Variants in TBXAS1 observed in about 807,000 individuals in gnomAD.
TBXAS1 encodes thromboxane A synthase 1.
Under a neutral mutation model 60.7 loss-of-function variants are expected in TBXAS1, and 48 were observed. The ratio of observed to expected loss-of-function variants is 0.79; its 90% CI spans 0.63 to 1.01. TBXAS1 has a LOEUF of 1.01. TBXAS1 is among the 50% of genes least tolerant of loss of function. The pLI is 0.00. For synonymous variants in TBXAS1, 287 were observed against 269.7 expected (o/e 1.06, Z -0.63); for missense variants, 685 against 686.3 (o/e 1.00, Z 0.02).
rs189663354 is a variant in TBXAS1, at chr7:139,968,518, C to T, written c.1134+6285C>T. Among the ~76,000 whole-genome samples, 478 of 152,270 alleles carry T rather than the reference C, an allele frequency of 3.1e-3. 2 individuals carry two copies. The highest frequency in any genetic ancestry group is 5.2e-3 in the Admixed American group (79 of 15,290). On this transcript the variant is annotated intron_variant, in intron 9 of 12. Coordinates refer to ENST00000448866, the MANE Select transcript of TBXAS1 (RefSeq NM_001061.7). ...CCATGTTGGTCAGTCTGGTCTTGAA[C>T]TCCTGGCCTCAAGTGATCCGCCTGC...
intron 3 of TBXAS1, among the ~76,000 whole-genome samples, chr7:139,905,059 C>CTTTCTTTCTTTCTTTCTT (rs56752847): frequency 2.8e-4 from 32 of 113,908 alleles, no homozygotes; most frequent in Non-Finnish European, 3.9e-4. Context: ...TTCTTTCTTT[C>CTTTCTTTCTTTCTTTCTT]TCTCTCTCTC....
At chr7:139,949,361 C>G (rs1809016648) in intron 5 of TBXAS1, among the ~76,000 whole-genome samples, 1 of 152,198 alleles carries the variant, frequency 6.6e-6, no homozygotes, top group Admixed American at 6.5e-5. Context: ...TACCATGTTA[C>G]TATTCCTCTG....
At chr7:139,963,204 A>G in intron 9 of TBXAS1, among the ~76,000 whole-genome samples, 1 of 152,240 alleles carries the variant, frequency 6.6e-6, no homozygotes, top group East Asian at 1.9e-4. Context: ...GTTTATGGTC[A>G]ACTTCAAGTT....
At chr7:139,964,614 A>G (rs1810636253) in intron 9 of TBXAS1, among the ~76,000 whole-genome samples, 1 of 152,212 alleles carries the variant, frequency 6.6e-6, no homozygotes, top group Admixed American at 6.5e-5. Flanking sequence ...AGGGCTTTGA[A>G]GCATCTAATG....
intron 4 of TBXAS1, among the ~76,000 whole-genome samples, chr7:139,926,393 A>C (rs113120099): frequency 6.6e-6 from 1 of 152,076 alleles, no homozygotes; most frequent in African/African-American, 2.4e-5. Context: ...TGTGTCTAGG[A>C]ATTTATTTCT....
At chr7:139,845,445 ATT>A (rs890514343) in intron 1 of TBXAS1, among the ~76,000 whole-genome samples, 3 of 151,882 alleles carry the variant, frequency 2.0e-5, no homozygotes, top group Admixed American at 2.0e-4. Flanking sequence ...TTCCCCCTTC[ATT>A]TGGGTGAGAA....
Position 139,962,246 on chromosome 7 carries a change from T to C in TBXAS1, c.1134+13T>C. On this transcript the variant is annotated intron_variant, in intron 9 of 12. Transcript: ENST00000448866. ...TAAGGAGAAACACGTGAGTACAAGT[T>C]GGATCCAGTTACCCATGGGATATCC... 1.2e-6 allele frequency: 2 copies of C among 1,613,972 alleles called. No homozygotes were observed. The highest frequency in any genetic ancestry group is 1.7e-6 in the Non-Finnish European group (2 of 1,180,010).
chr7:139,861,046 T>C (rs1800923580), intron 1 of TBXAS1, among the ~76,000 whole-genome samples: 1 of 150,840 alleles, frequency 6.6e-6, no homozygotes. Context: ...TGGTGGCACA[T>C]GCCTGTAATC....
chr7:139,963,008 A>G (rs1268974532), intron 9 of TBXAS1: 1 of 152,250 alleles, frequency 6.6e-6, no homozygotes, highest in Non-Finnish European at 1.5e-5. Flanking sequence ...CTGTTCTGTT[A>G]CTGGAACCAT....
chr7:139,931,295 G>A (rs1193065921), intron 4 of TBXAS1, among the ~76,000 whole-genome samples: 1 of 152,148 alleles, frequency 6.6e-6, no homozygotes, highest in African/African-American at 2.4e-5. Flanking sequence ...CCCTTGACCA[G>A]AGAGTGATTG....
chr7:139,913,078 T>C (rs1197703854), intron 4 of TBXAS1: 2 of 700,998 alleles, frequency 2.9e-6, no homozygotes, highest in East Asian at 2.7e-5. Flanking sequence ...CAGAGCATCA[T>C]GCCCAACTCC....
Position 139,852,984 on chromosome 7 carries a change from A to T in TBXAS1, c.90-19251A>T, listed in dbSNP as rs1800328272. Among the ~76,000 whole-genome samples, 2 of 137,856 alleles carry T rather than the reference A, an allele frequency of 1.5e-5. No homozygotes were observed. Among genetic ancestry groups the T allele is most frequent in the South Asian group, 4.7e-4 (2 of 4,238 alleles). The allele number at this position is 137,856 out of a possible 152,430, so 90.4% of individuals were successfully genotyped here. Reference sequence around the variant, plus strand: ...CACACACACACACACACACACACACACACACAGTTGGCCAAAGAAGCAACC... The same window carrying T: ...CACACACACACACACACACACACACTCACACAGTTGGCCAAAGAAGCAACC... On this transcript the variant is annotated intron_variant, in intron 1 of 12. Transcript: ENST00000448866. The surrounding 1 kb of genome is among the most constrained non-coding windows in gnomAD (Gnocchi z 4.4).
At chr7:139,889,851 C>T (rs2284199) in intron 3 of TBXAS1, among the ~76,000 whole-genome samples, 71,351 of 152,036 alleles carry the variant, frequency 0.47, 16,978 homozygotes, top group South Asian at 0.58. Context: ...ACATATGAAT[C>T]TGTTGGGGGG....
intron 4 of TBXAS1, among the ~76,000 whole-genome samples, chr7:139,793,914 G>A (rs758518292): frequency 2.6e-5 from 4 of 151,960 alleles, no homozygotes; most frequent in Admixed American, 6.6e-5. Context: ...CAGGGTTCAC[G>A]GTTTCATATT....
At position 139,875,508 on chromosome 7, in the gene TBXAS1, A is replaced by G. The variant is rs115481889; in HGVS notation, c.184-77A>G. 11,384 of 1,252,006 alleles carry G rather than the reference A, an allele frequency of 9.1e-3. 146 individuals are homozygous for G. Among genetic ancestry groups the G allele is most frequent in the African/African-American group, 0.034 (2,319 of 67,848 alleles). The allele number at this position is 1,252,006 out of a possible 1,614,324, so 77.6% of individuals were successfully genotyped here. ...CTGTAATTGTATTCTTGCTGTTCCA[A>G]ATTGTTTACTGAATAAGTTTGAATA... On this transcript the variant is annotated intron_variant, in intron 2 of 12. Transcript: ENST00000448866.
In TBXAS1 at chr7:139,975,588, C is replaced by T. The variant is rs1379766390; in HGVS notation, c.1134+13355C>T. Reference sequence around the variant, plus strand: ...GCATCTTCACAGCACTGAGAAAATGCCAGTCATTCAGGAGGACAGGGCAGC... The same window carrying T: ...GCATCTTCACAGCACTGAGAAAATGTCAGTCATTCAGGAGGACAGGGCAGC... On this transcript the variant is annotated intron_variant, in intron 9 of 12. Coordinates refer to ENST00000448866, the MANE Select transcript of TBXAS1 (RefSeq NM_001061.7). This position sits in a 1 kb window ranked among gnomAD's most constrained non-coding sequence, Gnocchi z 4.4. Among the ~76,000 whole-genome samples, 1 of 152,060 alleles carries T rather than the reference C, an allele frequency of 6.6e-6. No homozygotes were observed. Among genetic ancestry groups the T allele is most frequent in the Non-Finnish European group, 1.5e-5 (1 of 68,002 alleles).
rs528651350 is a variant in TBXAS1 at position 139,852,803 on chromosome 7, G to A, written c.90-19432G>A. Among the ~76,000 whole-genome samples, 248 of 152,206 alleles carry A rather than the reference G, an allele frequency of 1.6e-3. 6 individuals are homozygous for A. The South Asian group carries it at 0.049, about 30-fold the overall frequency. On this transcript the variant is annotated intron_variant, in intron 1 of 12. Coordinates refer to ENST00000448866, the MANE Select transcript of TBXAS1 (RefSeq NM_001061.7). The surrounding 1 kb of genome is among the most constrained non-coding windows in gnomAD (Gnocchi z 4.4). ...TGGAAATATTGGCTGGGTTTATGAA[G>A]ACATAACTTCTTATCCAATTGGCAA...
Position 139,936,284 on chromosome 7 carries a change from T to A in TBXAS1, c.427T>A (p.Phe143Ile). 1 of 1,614,216 alleles carries A rather than the reference T, an allele frequency of 6.2e-7. No individual in the cohort carries two copies. The highest frequency in any genetic ancestry group is 8.5e-7 in the Non-Finnish European group (1 of 1,180,022). ...EEVRGALMSA[F>I]SPEKLNEMVP... ...GGTCAGAGGTGCCCTGATGTCTGCTTTCAGTCCTGAAAAGCTGAACGAGGT... is the reference window on the plus strand; with the variant it reads ...GGTCAGAGGTGCCCTGATGTCTGCTATCAGTCCTGAAAAGCTGAACGAGGT... The change falls in exon 5 of 13, where the codon TTC becomes ATC. Residue 143 changes from phenylalanine to isoleucine, a missense_variant. Coordinates refer to ENST00000448866, the MANE Select transcript of TBXAS1 (RefSeq NM_001061.7).
chr7:139,818,640 A>G (rs1272949640), intron 4 of TBXAS1, among the ~76,000 whole-genome samples: 1 of 152,182 alleles, frequency 6.6e-6, no homozygotes, highest in Non-Finnish European at 1.5e-5. Context: ...AGGGTTTACC[A>G]TTATTGGGCC....
Sources: allele counts gnomAD v4.1 joint callset (sites outside exome capture counted in the v4.1 genomes callset), GRCh38; gene constraint gnomAD v4.1.1; non-coding constraint Gnocchi (gnomAD v3.1); transcripts MANE v1.5; gene names NCBI Gene and HGNC (gene_info 2026-07-23, HGNC 2026-07-21).